Variants in ROBO2 observed in about 807,000 individuals in gnomAD.
ROBO2 encodes the protein roundabout guidance receptor 2, also known as roundabout homolog 2.
A neutral mutation model predicts 160.8 loss-of-function variants in ROBO2; 53 were observed. That is an observed-to-expected ratio of 0.33 (90% CI 0.26 to 0.41). The LOEUF is 0.41. Among genes scored for constraint, ROBO2 ranks in the 10% least tolerant of loss-of-function variants. ROBO2 has a pLI of 1.00. For missense variants in ROBO2, 1,577 were observed against 1,722.4 expected (o/e 0.92, Z 1.49); for synonymous variants, 664 against 611.7 (o/e 1.09, Z -1.26).
intron 2 of ROBO2, among the ~76,000 whole-genome samples, chr3:76,074,397 A>G (rs2068574715): frequency 6.6e-6 from 1 of 152,224 alleles, no homozygotes; most frequent in Non-Finnish European, 1.5e-5. Flanking sequence ...GAAGAGCACC[A>G]TGGTTTGCTC....
At chr3:76,323,449 C>G (rs142586485) in intron 2 of ROBO2, among the ~76,000 whole-genome samples, 5 of 152,068 alleles carry the variant, frequency 3.3e-5, no homozygotes, top group Non-Finnish European at 5.9e-5. Context: ...CTGTTCATTA[C>G]CTCAACAAAT....
intron 6 of ROBO2, among the ~76,000 whole-genome samples, chr3:77,533,720 T>C (rs6771083): frequency 0.085 from 12,974 of 152,146 alleles, 1,087 homozygotes; most frequent in African/African-American, 0.21. Flanking sequence ...ATCCAGAGTA[T>C]TAAGTAAGGC....
At chr3:76,782,260 T>C (rs116619959) in intron 2 of ROBO2, among the ~76,000 whole-genome samples, 1 of 150,790 alleles carries the variant, frequency 6.6e-6, no homozygotes, top group African/African-American at 2.4e-5. Context: ...TGCTTGATAT[T>C]TTAATCTTTC....
intron 2 of ROBO2, among the ~76,000 whole-genome samples, chr3:77,193,502 A>G (rs1323847507): frequency 6.7e-6 from 1 of 150,024 alleles, no homozygotes; most frequent in East Asian, 2.0e-4. Flanking sequence ...CTGGTCTCAG[A>G]CTTCTATCTA....
rs547807116 is a variant in ROBO2, at chr3:76,283,136, GTATA to G, written c.109+345547_109+345550del. ...GTTATATATGTATATATATAAAACT[GTATA>G]TATATATATATAAAACTACATATAT... On this transcript the variant is annotated intron_variant, in intron 2 of 26. Transcript: ENST00000487694. 1.3e-4 allele frequency among the ~76,000 whole-genome samples: 8 copies of G among 63,540 alleles called. 1 individual carries two copies. Among genetic ancestry groups the G allele is most frequent in the Non-Finnish European group, 1.7e-4 (5 of 29,402 alleles). 41.7% of individuals were successfully genotyped at this position (63,540 alleles called of 152,430 possible).
chr3:76,910,618 C>T (rs1027337926), intron 2 of ROBO2, among the ~76,000 whole-genome samples: 10 of 149,354 alleles, frequency 6.7e-5, no homozygotes, highest in East Asian at 4.0e-4. Context: ...CCGAGCTACT[C>T]GGGAGGCTGA....
intron 2 of ROBO2, among the ~76,000 whole-genome samples, chr3:76,731,399 AT>A (rs2093635644): frequency 6.6e-6 from 1 of 151,974 alleles, no homozygotes; most frequent in Non-Finnish European, 1.5e-5. Context: ...GCTATTATGC[AT>A]TTTCCAGGCA....
At chr3:76,507,872 T>C (rs142234028) in intron 2 of ROBO2, among the ~76,000 whole-genome samples, 2 of 152,254 alleles carry the variant, frequency 1.3e-5, no homozygotes, top group Admixed American at 1.3e-4. Context: ...CTGATCTGTC[T>C]CTTTCATAGG....
intron 2 of ROBO2, among the ~76,000 whole-genome samples, chr3:75,953,112 A>C (rs1235906438): frequency 1.3e-5 from 2 of 151,956 alleles, no homozygotes; most frequent in Admixed American, 6.6e-5. Flanking sequence ...TAAGTTTTCA[A>C]ATCCTTTAAG....
intron 2 of ROBO2, among the ~76,000 whole-genome samples, chr3:77,301,952 G>C (rs546620440): frequency 1.3e-5 from 2 of 151,648 alleles, no homozygotes; most frequent in South Asian, 4.2e-4. Context: ...ACCCAGAGTG[G>C]AGTGCAGTGG....
At chr3:77,350,064 T>TA (rs145139628) in intron 2 of ROBO2, among the ~76,000 whole-genome samples, 1 of 115,770 alleles carries the variant, frequency 8.6e-6, no homozygotes, top group Non-Finnish European at 1.9e-5. Flanking sequence ...ATTGGTACAT[T>TA]AAAAAAAAAT....
At chr3:76,777,232 A>G (rs1576562938) in intron 2 of ROBO2, among the ~76,000 whole-genome samples, 2 of 151,282 alleles carry the variant, frequency 1.3e-5, no homozygotes, top group Middle Eastern at 6.8e-3. Context: ...ATACATACTT[A>G]ACAAAAGACA....
intron 2 of ROBO2, among the ~76,000 whole-genome samples, chr3:76,533,677 C>T (rs1413901249): frequency 6.6e-6 from 1 of 152,070 alleles, no homozygotes; most frequent in Non-Finnish European, 1.5e-5. Flanking sequence ...AAAAGAGAGT[C>T]AGCAAAGGGA....
chr3:76,653,121 T>C (rs2091328544), intron 2 of ROBO2, among the ~76,000 whole-genome samples: 1 of 152,056 alleles, frequency 6.6e-6, no homozygotes, highest in African/African-American at 2.4e-5. Context: ...CCAAACTTAC[T>C]AACACACACA....
chr3:77,484,800 A>T (rs1304726533), intron 4 of ROBO2, among the ~76,000 whole-genome samples: 1 of 151,974 alleles, frequency 6.6e-6, no homozygotes, highest in Non-Finnish European at 1.5e-5. Context: ...AATTTGAGTT[A>T]TTATAGTCAT....
intron 2 of ROBO2, among the ~76,000 whole-genome samples, chr3:76,048,533 A>G (rs1391162325): frequency 6.6e-6 from 1 of 152,188 alleles, no homozygotes; most frequent in East Asian, 1.9e-4. Flanking sequence ...AATGTTTTTG[A>G]TCATATGAAT....
intron 2 of ROBO2, among the ~76,000 whole-genome samples, chr3:76,771,054 C>T (rs1181063484): frequency 6.6e-6 from 1 of 151,200 alleles, no homozygotes; most frequent in African/African-American, 2.4e-5. Context: ...TTTATCTGGC[C>T]TTCATTAAAT....
At chr3:76,177,385 T>C (rs889053791) in intron 2 of ROBO2, among the ~76,000 whole-genome samples, 6 of 152,202 alleles carry the variant, frequency 3.9e-5, no homozygotes, top group Admixed American at 2.0e-4. Context: ...TATTCAAACT[T>C]ATACTCACTT....
chr3:76,199,686 C>A (rs969899695), intron 2 of ROBO2, among the ~76,000 whole-genome samples: 1 of 152,122 alleles, frequency 6.6e-6, no homozygotes, highest in Admixed American at 6.6e-5. Context: ...CCAAAATGAT[C>A]AACACTCTGT....
Sources: gnomAD v4.1 joint callset for allele counts (sites outside exome capture counted in the v4.1 genomes callset) on GRCh38, gnomAD v4.1.1 for gene constraint, MANE v1.5 for transcripts, NCBI Gene and HGNC (gene_info 2026-07-23, HGNC 2026-07-21) for gene names.